SEC63: variants seen among roughly 807,000 people sequenced by gnomAD.
SEC63 encodes the protein translocation protein SEC63 homolog.
In SEC63, 56 loss-of-function variants were observed where a neutral mutation model predicts 116.2. The ratio of observed to expected loss-of-function variants is 0.48; its 90% CI spans 0.39 to 0.60. The LOEUF is 0.60. Ranked by LOEUF, SEC63 falls within the 20% of genes least tolerant of loss-of-function variation. The probability of loss-of-function intolerance (pLI) is 0.00; values close to 1 mark genes in which losing one functional copy is unlikely to be tolerated. For missense variants in SEC63, 668 were observed against 900.0 expected (o/e 0.74, Z 3.30); for synonymous variants, 273 against 294.6 (o/e 0.93, Z 0.75).
chr6:107,868,569 G>A lies in SEC63; in HGVS notation c.*3135C>T, dbSNP rs541971835. On this transcript the variant is annotated 3_prime_UTR_variant, in exon 21 of 21. Coordinates refer to ENST00000369002, the MANE Select transcript of SEC63 (RefSeq NM_007214.5). ...ACTCCTCCAGCCTGGAGGACAGAGC[G>A]AGACTCCGTCTTAAGAAGAAAAAGA... is the stretch of plus-strand genomic sequence containing the variant. The A allele has an allele frequency of 2.0e-5, 3 of 151,966 alleles. No homozygotes were observed. The highest frequency in any genetic ancestry group is 1.9e-4 in the East Asian group (1 of 5,160). The allele number at this position is 151,966 out of a possible 1,614,324, so 9.4% of individuals were successfully genotyped here. A position where few individuals can be genotyped will look rare whatever the true frequency, so the allele number is the denominator to read the frequency against.
chr6:107,888,787 T>A (rs534403267), intron 16 of SEC63, among the ~76,000 whole-genome samples: 2 of 152,148 alleles, frequency 1.3e-5, no homozygotes, highest in South Asian at 4.1e-4. Flanking sequence ...TTATTGAGAG[T>A]TTTTAGCATG....
chr6:107,888,119 A>G (rs988798458), intron 16 of SEC63, among the ~76,000 whole-genome samples: 1 of 152,118 alleles, frequency 6.6e-6, no homozygotes, highest in African/African-American at 2.4e-5. Flanking sequence ...GTTTTTTCCA[A>G]TTCTGTGAAG....
At chr6:107,935,597 CTCGTTAAGAGT>C (rs1490641039) in intron 1 of SEC63, among the ~76,000 whole-genome samples, 9 of 44,408 alleles carry the variant, frequency 2.0e-4, no homozygotes, top group African/African-American at 1.0e-3. Context: ...AGGCAGCATG[CTCGTTAAGAGT>C]CATCACACTC....
intron 19 of SEC63, among the ~76,000 whole-genome samples, chr6:107,875,574 G>T (rs912856786): frequency 6.6e-6 from 1 of 151,964 alleles, no homozygotes; most frequent in African/African-American, 2.4e-5. Flanking sequence ...AATTTTTACG[G>T]GGTGCACGTA....
chr6:107,922,447 A>C (rs1787580299), intron 3 of SEC63, among the ~76,000 whole-genome samples: 1 of 152,250 alleles, frequency 6.6e-6, no homozygotes, highest in South Asian at 2.1e-4. Context: ...TAGAGGCTGC[A>C]GTGAGCTGAG....
chr6:107,909,523 A>AT (rs1303420084), intron 7 of SEC63, among the ~76,000 whole-genome samples: 7 of 152,166 alleles, frequency 4.6e-5, no homozygotes, highest in African/African-American at 1.7e-4. Context: ...ATTTCAAGTG[A>AT]TTTCTTTAGC....
In SEC63 at chr6:107,906,514, G is replaced by A; in HGVS notation, c.895C>T (p.Leu299=). The A allele has an allele frequency of 2.5e-6, 4 of 1,613,700 alleles. No individual in the cohort carries two copies. Among genetic ancestry groups the A allele is most frequent in the Non-Finnish European group, 2.5e-6 (3 of 1,179,658 alleles). ...GACAGTAAAAGAACTCTGGCCTTCA[G>A]GCTATATGGGCAGGTAAGTGGAGGC... is the stretch of plus-strand genomic sequence containing the variant. ...NEPPLTCPYS[L]KARVLLLSHL... Residue 299 remains leucine, a synonymous_variant, in exon 10 of 21, where the codon CTG becomes TTG. Transcript: ENST00000369002.
chr6:107,919,564 T>C (rs1787497756), intron 4 of SEC63, among the ~76,000 whole-genome samples: 1 of 152,192 alleles, frequency 6.6e-6, no homozygotes, highest in South Asian at 2.1e-4. Context: ...GGTTCACACC[T>C]GTAATCCCAG....
At chr6:107,899,176 G>A (rs751422336) in intron 13 of SEC63, among the ~76,000 whole-genome samples, 8 of 152,176 alleles carry the variant, frequency 5.3e-5, no homozygotes, top group Non-Finnish European at 1.0e-4. Context: ...TAGGGAAGGA[G>A]ATCCACCATC....
intron 1 of SEC63, among the ~76,000 whole-genome samples, chr6:107,945,895 T>C (rs763418247): frequency 2.1e-4 from 32 of 152,148 alleles, no homozygotes; most frequent in Non-Finnish European, 3.7e-4. Flanking sequence ...CAATTTTACA[T>C]AATGCAGGCG....
intron 4 of SEC63, among the ~76,000 whole-genome samples, chr6:107,914,072 A>G (rs1358034006): frequency 6.6e-6 from 1 of 152,194 alleles, no homozygotes; most frequent in Non-Finnish European, 1.5e-5. Context: ...GTGAAAGTTA[A>G]AGAGTAATTT....
chr6:107,921,720 G>A, intron 4 of SEC63, 77 bp downstream of exon 4: 3 of 923,770 alleles, frequency 3.2e-6, no homozygotes, highest in Non-Finnish European at 5.4e-6. Flanking sequence ...CCAAAGTACT[G>A]GGATTACAGG....
In SEC63 at chr6:107,953,853, GC is replaced by G. The variant is rs573619477; in HGVS notation, c.124+4032del. Among the ~76,000 whole-genome samples, 294 of 142,406 alleles carry G rather than the reference GC, an allele frequency of 2.1e-3. 1 individual carries two copies. Among genetic ancestry groups the G allele is most frequent in the African/African-American group, 7.5e-3 (280 of 37,162 alleles). 93.4% of individuals were successfully genotyped at this position (142,406 alleles called of 152,430 possible). On this transcript the variant is annotated intron_variant, in intron 1 of 20. Transcript: ENST00000369002. ...GTCCGGGAGGGAGGTGGGGGGGTCAGCCCCCCGCCCGGCCAGCCGCCCGGTC... is the reference window on the plus strand; with the variant it reads ...GTCCGGGAGGGAGGTGGGGGGGTCAGCCCCCGCCCGGCCAGCCGCCCGGTC...
intron 19 of SEC63, among the ~76,000 whole-genome samples, chr6:107,874,854 T>A (rs563492102): frequency 2.0e-5 from 3 of 152,160 alleles, no homozygotes; most frequent in Middle Eastern, 3.4e-3. Flanking sequence ...CAATGTGTGA[T>A]CCTTGATTAG....
rs1170403330 is a variant in SEC63, at chr6:107,912,832, C to T, written c.515-58G>A. Reference sequence around the variant, plus strand: ...TCTCTACTTTCAGTTTTAATAAATACATTAAATATATTTGGGATCTATAAT... The same window carrying T: ...TCTCTACTTTCAGTTTTAATAAATATATTAAATATATTTGGGATCTATAAT... On this transcript the variant is annotated intron_variant, in intron 5 of 20. Transcript: ENST00000369002. The T allele has an allele frequency of 9.2e-6, 11 of 1,195,922 alleles. No individual in the cohort carries two copies. The East Asian group carries it at 2.0e-4, about 22-fold the overall frequency. 74.1% of individuals were successfully genotyped at this position (1,195,922 alleles called of 1,614,324 possible). A position where few individuals can be genotyped will look rare whatever the true frequency, so the allele number is the denominator to read the frequency against.
intron 1 of SEC63, among the ~76,000 whole-genome samples, chr6:107,939,886 T>C (rs1393032854): frequency 6.6e-6 from 1 of 152,206 alleles, no homozygotes; most frequent in Non-Finnish European, 1.5e-5. Flanking sequence ...AATACTGCTC[T>C]AGACGACCAA....
chr6:107,883,945 T>G (rs1786469822), intron 16 of SEC63, among the ~76,000 whole-genome samples: 1 of 151,570 alleles, frequency 6.6e-6, no homozygotes, highest in African/African-American at 2.4e-5. Context: ...GAACAGCAAA[T>G]TAAATGCAAA....
At chr6:107,946,185 G>A (rs967312534) in intron 1 of SEC63, among the ~76,000 whole-genome samples, 4 of 150,534 alleles carry the variant, frequency 2.7e-5, no homozygotes, top group African/African-American at 9.8e-5. Context: ...TCCGCCTACC[G>A]TGGCCTCCCA....
intron 16 of SEC63, among the ~76,000 whole-genome samples, chr6:107,889,021 T>C (rs1305463728): frequency 5.3e-5 from 8 of 152,238 alleles, no homozygotes; most frequent in Admixed American, 5.2e-4. Flanking sequence ...TTTGCATCAA[T>C]GTTCATCAGG....
Sources: allele counts gnomAD v4.1 joint callset (sites outside exome capture counted in the v4.1 genomes callset), GRCh38; gene constraint gnomAD v4.1.1; transcripts MANE v1.5; gene names NCBI Gene and HGNC (gene_info 2026-07-23, HGNC 2026-07-21).